Variants in ZFAT observed in about 807,000 individuals in gnomAD.
The protein encoded by ZFAT is zinc finger and AT-hook domain containing.
In ZFAT, 64 loss-of-function variants were observed where a neutral mutation model predicts 117.7. The ratio of observed to expected loss-of-function variants is 0.54; its 90% CI spans 0.44 to 0.67. ZFAT has a LOEUF of 0.67. ZFAT is among the 30% of genes least tolerant of loss of function. The pLI, the probability that ZFAT is intolerant of heterozygous loss-of-function variation, is 0.00. For missense variants in ZFAT, 1,433 were observed against 1,584.5 expected, an observed-to-expected ratio of 0.90 and a Z score of 1.62; for synonymous variants, 679 against 615.0, an observed-to-expected ratio of 1.10 and a Z score of -1.54.
chr8:134,767,018 A>G, the ZFAT span: 1 of 152,232 alleles, frequency 6.6e-6, no homozygotes, highest in Non-Finnish European at 1.5e-5. Flanking sequence ...GGCTCTCCTC[A>G]TCCCCAAACA....
intron 15 of ZFAT, among the ~76,000 whole-genome samples, chr8:134,493,606 G>T (rs1427968945): frequency 1.3e-5 from 2 of 152,258 alleles, no homozygotes; most frequent in Non-Finnish European, 2.9e-5. Flanking sequence ...AGCTCCACAT[G>T]GTAGAGAGAG....
the ZFAT span, chr8:134,785,141 A>C: frequency 6.6e-6 from 1 of 152,212 alleles, no homozygotes; most frequent in Admixed American, 6.5e-5. Flanking sequence ...AACTGTGCTG[A>C]CTGGCATTTC....
the ZFAT span, among the ~76,000 whole-genome samples, chr8:134,727,426 C>T: frequency 6.6e-5 from 10 of 152,290 alleles, no homozygotes; most frequent in South Asian, 1.0e-3. Flanking sequence ...CCTGTCACTG[C>T]GCTGTCTCCT....
the ZFAT span, among the ~76,000 whole-genome samples, chr8:134,808,537 A>G: frequency 6.6e-6 from 1 of 152,224 alleles, no homozygotes; most frequent in Admixed American, 6.5e-5. Context: ...GCCCAGCACA[A>G]TGAAGTCTGT....
intron 10 of ZFAT, among the ~76,000 whole-genome samples, chr8:134,578,224 C>G (rs1409608353): frequency 6.6e-6 from 1 of 151,828 alleles, no homozygotes; most frequent in Non-Finnish European, 1.5e-5. Flanking sequence ...ACCAGACTGC[C>G]CAGCATGGTG....
chr8:134,667,055 G>A (rs1563744864), intron 1 of ZFAT, among the ~76,000 whole-genome samples: 2 of 152,060 alleles, frequency 1.3e-5, no homozygotes, highest in Non-Finnish European at 2.9e-5. Context: ...CAAATACCAC[G>A]TTCTCACTCA....
At chr8:134,740,987 T>G in the ZFAT span, among the ~76,000 whole-genome samples, 1 of 152,240 alleles carries the variant, frequency 6.6e-6, no homozygotes, top group Admixed American at 6.5e-5. Context: ...CCTTTCTCCC[T>G]CCCTTTTCCC....
chr8:134,509,554 G>C, intron 15 of ZFAT, 65 bp downstream of exon 15: 6 of 1,603,394 alleles, frequency 3.7e-6, no homozygotes, highest in Non-Finnish European at 5.1e-6. Flanking sequence ...AGAAACACAG[G>C]GAGAAGGAGA....
intron 12 of ZFAT, among the ~76,000 whole-genome samples, chr8:134,530,881 G>A (rs1821355736): frequency 6.6e-6 from 1 of 152,074 alleles, no homozygotes; most frequent in Non-Finnish European, 1.5e-5. Context: ...AAGTACATAG[G>A]AGGATGTGTG....
At chr8:134,782,063 A>G in the ZFAT span, among the ~76,000 whole-genome samples, 3 of 152,194 alleles carry the variant, frequency 2.0e-5, no homozygotes, top group South Asian at 2.1e-4. Context: ...TCCAACTCCA[A>G]TGGTGTTCAA....
chr8:134,805,233 A>T, the ZFAT span, among the ~76,000 whole-genome samples: 248 of 148,134 alleles, frequency 1.7e-3, 2 homozygotes, highest in African/African-American at 6.1e-3. Context: ...CATTTTTCCA[A>T]CATATGCAAA....
At chr8:134,507,950 C>T (rs181169682) in intron 15 of ZFAT, among the ~76,000 whole-genome samples, 1 of 152,274 alleles carries the variant, frequency 6.6e-6, no homozygotes, top group East Asian at 1.9e-4. Context: ...ATTTATAAGA[C>T]AATCTGAAGA....
chr8:134,546,665 A>G (rs1822718977), intron 11 of ZFAT, among the ~76,000 whole-genome samples: 1 of 152,202 alleles, frequency 6.6e-6, no homozygotes, highest in African/African-American at 2.4e-5. Context: ...AATATTTCCC[A>G]CCATGTACAG....
At chr8:134,564,189 T>C in intron 11 of ZFAT, among the ~76,000 whole-genome samples, 1 of 116,228 alleles carries the variant, frequency 8.6e-6, no homozygotes, top group Non-Finnish European at 1.7e-5. Context: ...TGAGACTCCT[T>C]CTCAAAAAAA....
At chr8:134,517,085 A>G (rs7008798) in intron 13 of ZFAT, among the ~76,000 whole-genome samples, 67 of 152,294 alleles carry the variant, frequency 4.4e-4, no homozygotes, top group African/African-American at 1.6e-3. Context: ...TACCAACAAT[A>G]CTTGATAACT....
chr8:134,759,928 GCCACTGCACTCCAGACTGGGCAA>G, the ZFAT span, among the ~76,000 whole-genome samples: 4 of 135,758 alleles, frequency 2.9e-5, no homozygotes, highest in East Asian at 9.2e-4. Flanking sequence ...CCAAGATCAT[GCCACTGCACTCCAGACTGGGCAA>G]CAGAGCAGGA....
At chr8:134,483,460 C>T (rs892335797) in intron 15 of ZFAT, among the ~76,000 whole-genome samples, 2 of 152,200 alleles carry the variant, frequency 1.3e-5, no homozygotes, top group Non-Finnish European at 2.9e-5. Flanking sequence ...CTTTACTCCT[C>T]CTGATTAGTC....
At chr8:134,782,910 TCCACCCCCTACC>T in the ZFAT span, among the ~76,000 whole-genome samples, 1 of 152,086 alleles carries the variant, frequency 6.6e-6, no homozygotes, top group Non-Finnish European at 1.5e-5. Flanking sequence ...CCATTCCATT[TCCACCCCCTACC>T]CCAAGCTTTA....
chr8:134,810,532 T>C, the ZFAT span, among the ~76,000 whole-genome samples: 2 of 152,324 alleles, frequency 1.3e-5, no homozygotes, highest in East Asian at 3.9e-4. Flanking sequence ...TACCAATTTA[T>C]CCTTCATAAA....
Sources: gnomAD v4.1 joint callset for allele counts (sites outside exome capture counted in the v4.1 genomes callset) on GRCh38, gnomAD v4.1.1 for gene constraint, MANE v1.5 for transcripts, NCBI Gene and HGNC (gene_info 2026-07-23, HGNC 2026-07-21) for gene names.